ZSWIM4: variants seen among roughly 807,000 people sequenced by gnomAD.
ZSWIM4 encodes zinc finger SWIM domain-containing protein 4.
A neutral mutation model predicts 102.5 loss-of-function variants in ZSWIM4; 62 were observed. The ratio of observed to expected loss-of-function variants is 0.60; its 90% CI spans 0.49 to 0.75. The LOEUF (loss-of-function observed/expected upper bound fraction) is 0.75, where lower values mean the gene tolerates loss of function less well. Among genes scored for constraint, ZSWIM4 ranks in the 30% least tolerant of loss-of-function variants. The pLI, the probability that ZSWIM4 is intolerant of heterozygous loss-of-function variation, is 0.00. For missense variants in ZSWIM4, 1,280 were observed against 1,529.6 expected, an observed-to-expected ratio of 0.84 and a Z score of 2.72; for synonymous variants, 652 against 674.5, an observed-to-expected ratio of 0.97 and a Z score of 0.52.
chr19:13,814,988 C>A, intron 7 of ZSWIM4, 123 bp downstream of exon 7: 2 of 490,534 alleles, frequency 4.1e-6, no homozygotes, highest in Non-Finnish European at 5.8e-6. Flanking sequence ...GAGACAATGT[C>A]TCTACAAAAA....
intron 11 of ZSWIM4, among the ~76,000 whole-genome samples, 199 bp downstream of exon 11, chr19:13,823,699 T>C (rs549180301): frequency 2.8e-4 from 42 of 152,326 alleles, no homozygotes; most frequent in Non-Finnish European, 5.1e-4. Flanking sequence ...TCCCCTGCCC[T>C]GTGGAATGAC....
At chr19:13,806,102 G>A (rs754796524) in intron 3 of ZSWIM4, among the ~76,000 whole-genome samples, 3 of 150,086 alleles carry the variant, frequency 2.0e-5, no homozygotes, top group Non-Finnish European at 4.4e-5. Context: ...GAGTGCAGTG[G>A]TGCAATCTCA....
At chr19:13,803,495 T>C (rs1974828297) in intron 2 of ZSWIM4, among the ~76,000 whole-genome samples, 1 of 151,932 alleles carries the variant, frequency 6.6e-6, no homozygotes. Context: ...TAAGAGCAAG[T>C]GTTGGGCTGG....
intron 13 of ZSWIM4, 36 bp downstream of exon 13, chr19:13,828,762 C>T: frequency 6.3e-7 from 1 of 1,598,592 alleles, no homozygotes; most frequent in Admixed American, 1.7e-5. Flanking sequence ...ACCCACTTCG[C>T]TGTTCTGGTT....
In ZSWIM4 at chr19:13,808,895, GA is replaced by G. The variant is rs1974992982; in HGVS notation, c.773del (p.Glu258GlyfsTer8). ...GGACGCCAACTGCTGGCACCTGGAC[GA>G]GGAGCAGATCCAGGAGCAGGTGAAG... ...IEDANCWHLD[E>X]EQIQEQVKQL... On this transcript the variant is annotated frameshift_variant, in exon 4 of 14. Transcript: ENST00000590508. LOFTEE classifies it high-confidence loss of function. The G allele has an allele frequency of 4.3e-6, 7 of 1,612,374 alleles. No homozygotes were observed. Among genetic ancestry groups the G allele is most frequent in the Non-Finnish European group, 5.9e-6 (7 of 1,179,438 alleles).
At chr19:13,822,809 G>A (rs564653089) in intron 10 of ZSWIM4, among the ~76,000 whole-genome samples, 4 of 152,146 alleles carry the variant, frequency 2.6e-5, no homozygotes, top group South Asian at 4.1e-4. Flanking sequence ...GAGAAAACCC[G>A]TCTCTACTAA....
At chr19:13,817,167 G>A in intron 7 of ZSWIM4, 49 bp from the exon 8 acceptor site, 4 of 1,571,300 alleles carry the variant, frequency 2.5e-6, no homozygotes, top group African/African-American at 1.3e-5. Context: ...CTCCCTCCTA[G>A]AGACTTGGGC....
intron 10 of ZSWIM4, among the ~76,000 whole-genome samples, chr19:13,820,783 T>C (rs1042970029): frequency 3.9e-5 from 6 of 152,098 alleles, no homozygotes; most frequent in Non-Finnish European, 7.4e-5. Context: ...CACCTTTTTC[T>C]CACTGAGCTT....
chr19:13,814,487 C>G, intron 6 of ZSWIM4, 28 bp from the exon 7 acceptor site: 1 of 1,129,902 alleles, frequency 8.9e-7, no homozygotes, highest in East Asian at 7.3e-5. Flanking sequence ...CCCCCCCTCA[C>G]TGAGCCATGT....
At position 13,830,499 on chromosome 19, in the gene ZSWIM4, A is replaced by C; in HGVS notation, c.2770A>C (p.Thr924Pro). Residue 924 changes from threonine (T) to proline (P), a missense_variant, in exon 14 of 14, where the codon ACT (threonine) becomes CCT (proline). Physicochemically the swap from Thr to Pro is conservative, Grantham distance 38. Coordinates refer to ENST00000590508, the MANE Select transcript of ZSWIM4 (RefSeq NM_001367834.3). Reference protein sequence around the residue: ...AGGLGHAHLFTVARYMEHRGL... With the variant: ...AGGLGHAHLFPVARYMEHRGL... ...CGGCCTGGGCCACGCCCACCTCTTC[A>C]CTGTGGCCCGCTATATGGAGCACCG... The C allele has an allele frequency of 2.5e-6, 4 of 1,599,868 alleles. No individual in the cohort carries two copies. The highest frequency in any genetic ancestry group is 3.4e-6 in the Non-Finnish European group (4 of 1,179,386).
chr19:13,815,799 C>T (rs374582436), intron 7 of ZSWIM4, among the ~76,000 whole-genome samples: 12 of 151,728 alleles, frequency 7.9e-5, no homozygotes, highest in East Asian at 7.8e-4. Flanking sequence ...ATTAGCCAGG[C>T]GTGGTGGCGC....
intron 1 of ZSWIM4, among the ~76,000 whole-genome samples, chr19:13,799,172 A>C (rs1974687930): frequency 6.7e-6 from 1 of 149,668 alleles, no homozygotes; most frequent in Non-Finnish European, 1.5e-5. Context: ...CCTCAAACTC[A>C]TGGCCTCAAG....
In ZSWIM4 at chr19:13,804,819, A is replaced by G. The variant is rs754144978; in HGVS notation, c.383A>G (p.Glu128Gly). 3.4e-5 allele frequency: 54 copies of G among 1,597,152 alleles called. No homozygotes were observed. Among genetic ancestry groups the G allele is most frequent in the Non-Finnish European group, 4.0e-5 (47 of 1,168,638 alleles). Residue 128 changes from glutamate to glycine, a missense_variant, in exon 3 of 14, where the codon GAG becomes GGG. Coordinates refer to ENST00000590508, the MANE Select transcript of ZSWIM4 (RefSeq NM_001367834.3). ...TTCCACCTGAGCGGAAACATCCGCG[A>G]GCCAGGGAGTCCTGGAGAGCCCGAG... ...VGFHLSGNIR[E>G]PGSPGEPERL...
chr19:13,799,377 G>A (rs1343364363), intron 1 of ZSWIM4, among the ~76,000 whole-genome samples: 1 of 149,702 alleles, frequency 6.7e-6, no homozygotes, highest in Non-Finnish European at 1.5e-5. Context: ...AGGTTCCAGC[G>A]ATTTTCCTGC....
chr19:13,800,244 CTTTTTTTTTTTTTTTT>C (rs750229248), intron 2 of ZSWIM4, among the ~76,000 whole-genome samples: 4 of 27,502 alleles, frequency 1.5e-4, no homozygotes, highest in Non-Finnish European at 2.4e-4. Context: ...TTTTGTATTT[CTTTTTTTTTTTTTTTT>C]TTTTTTTTTT....
chr19:13,813,983 A>C (rs1011024491), intron 6 of ZSWIM4, among the ~76,000 whole-genome samples: 3 of 151,648 alleles, frequency 2.0e-5, no homozygotes, highest in African/African-American at 4.8e-5. Flanking sequence ...AGGAAGACAG[A>C]CAGCCAGTTA....
In ZSWIM4 at chr19:13,795,678, G is replaced by A. The variant is rs1191153676; in HGVS notation, c.30G>A (p.Arg10=). The A allele has an allele frequency of 3.2e-5, 33 of 1,021,654 alleles. No individual in the cohort carries two copies. The East Asian group carries it at 1.2e-3, about 37-fold the overall frequency. The allele number at this position is 1,021,654 out of a possible 1,614,324, so 63.3% of individuals were successfully genotyped here. Residue 10 remains arginine (R), a synonymous_variant, in exon 1 of 14, where the codon CGG becomes CGA. Coordinates refer to ENST00000590508, the MANE Select transcript of ZSWIM4 (RefSeq NM_001367834.3). ...AACCCCCCGCGGCCAAGCGGAGCCG[G>A]GGCTGCCCCGCGGGACCCGAGGAGC... MEPPAAKRS[R]GCPAGPEERD... is the part of the protein sequence containing the mutation.
At chr19:13,822,230 T>C (rs1335501298) in intron 10 of ZSWIM4, among the ~76,000 whole-genome samples, 1 of 151,594 alleles carries the variant, frequency 6.6e-6, no homozygotes, top group East Asian at 1.9e-4. Context: ...TTCCAGAATA[T>C]TTAGAAAGAA....
In ZSWIM4 at chr19:13,814,649, A is replaced by G; in HGVS notation, c.1315A>G (p.Ser439Gly). The change falls in exon 7 of 14, where the codon AGC (serine) becomes GGC (glycine). Residue 439 changes from serine to glycine, a missense_variant. By Grantham distance (56) the Ser-to-Gly change is moderately conservative. Transcript: ENST00000590508. ...RILASDSYGP[S>G]LTGSVGGDKP... is the part of the protein sequence containing the mutation. ...CCTGGCCAGTGACTCCTACGGGCCC[A>G]GCCTCACAGGCAGCGTGGGTGGGGA... 7.9e-7 allele frequency: 1 copy of G among 1,268,810 alleles called. No homozygotes were observed. Among genetic ancestry groups the G allele is most frequent in the Non-Finnish European group, 1.0e-6 (1 of 974,502 alleles). The allele number at this position is 1,268,810 out of a possible 1,614,324, so 78.6% of individuals were successfully genotyped here.
Sources: allele counts gnomAD v4.1 joint callset (sites outside exome capture counted in the v4.1 genomes callset), GRCh38; gene constraint gnomAD v4.1.1; transcripts MANE v1.5; gene names NCBI Gene and HGNC (gene_info 2026-07-23, HGNC 2026-07-21).